RBFOX1: variants seen among roughly 807,000 people sequenced by gnomAD.
The protein encoded by RBFOX1 is RNA binding fox-1 homolog 1.
Under a neutral mutation model 57.7 loss-of-function variants are expected in RBFOX1, and 8 were observed. The observed-to-expected ratio is 0.14, with a 90% confidence interval of 0.08 to 0.25. The LOEUF is 0.25. Among genes scored for constraint, RBFOX1 ranks in the 10% least tolerant of loss-of-function variants. The pLI is 1.00. For synonymous variants in RBFOX1, 326 were observed against 222.4 expected (o/e 1.47, Z -4.15); for missense variants, 611 against 548.5 (o/e 1.11, Z -1.14).
At chr16:6,051,842 G>A (rs912949061) in intron 1 of RBFOX1, among the ~76,000 whole-genome samples, 3 of 152,136 alleles carry the variant, frequency 2.0e-5, no homozygotes, top group Non-Finnish European at 4.4e-5. Context: ...GGGATTACAG[G>A]CATGAGCCAC....
chr16:5,666,770 A>T (rs2049858557), intron 3 of RBFOX1, among the ~76,000 whole-genome samples: 1 of 152,202 alleles, frequency 6.6e-6, no homozygotes, highest in African/African-American at 2.4e-5. Flanking sequence ...AGGAGTCAGC[A>T]TGAAGTTGTT....
At chr16:6,375,685 C>A (rs922644549) in intron 2 of RBFOX1, among the ~76,000 whole-genome samples, 1 of 152,114 alleles carries the variant, frequency 6.6e-6, no homozygotes, top group African/African-American at 2.4e-5. Context: ...AACCCGGAGG[C>A]GCATCTCACA....
At chr16:5,818,256 C>T (rs2151797608) in intron 3 of RBFOX1, among the ~76,000 whole-genome samples, 1 of 152,284 alleles carries the variant, frequency 6.6e-6, no homozygotes, top group East Asian at 1.9e-4. Context: ...ATCAGTTTTG[C>T]ATATGAGGCA....
chr16:7,200,840 G>A (rs1003614725), intron 4 of RBFOX1, among the ~76,000 whole-genome samples: 2 of 152,098 alleles, frequency 1.3e-5, no homozygotes, highest in South Asian at 2.1e-4. Flanking sequence ...TGCTTTCTCC[G>A]CGCTGTTGTA....
intron 4 of RBFOX1, among the ~76,000 whole-genome samples, chr16:7,287,816 G>C (rs62014003): frequency 0.4 from 60,173 of 151,910 alleles, 14,989 homozygotes; most frequent in East Asian, 0.79. Context: ...ACATATATGG[G>C]GTATTACCCA....
At chr16:5,550,096 C>T (rs75882751) in intron 2 of RBFOX1, among the ~76,000 whole-genome samples, 7,282 of 152,202 alleles carry the variant, frequency 0.048, 190 homozygotes, top group East Asian at 0.1. Context: ...CAGATTGTTC[C>T]CTAATATATC....
chr16:6,995,338 T>A (rs75900094), intron 3 of RBFOX1, among the ~76,000 whole-genome samples: 4,276 of 135,406 alleles, frequency 0.032, 204 homozygotes, highest in African/African-American at 0.11. Flanking sequence ...GTGTTAGAAG[T>A]GGTGATCCTG....
intron 4 of RBFOX1, among the ~76,000 whole-genome samples, chr16:5,944,657 A>G (rs1459647395): frequency 6.6e-6 from 1 of 151,632 alleles, no homozygotes; most frequent in African/African-American, 2.4e-5. Context: ...AAGTCCCTTA[A>G]GAGAAAGCTA....
chr16:6,501,131 C>CTTTTT (rs1003003339), intron 2 of RBFOX1, among the ~76,000 whole-genome samples: 1,662 of 107,576 alleles, frequency 0.015, 30 homozygotes, highest in Non-Finnish European at 0.025. Flanking sequence ...GTTAAACATT[C>CTTTTT]TTTTTTTTTT....
At position 6,146,776 on chromosome 16, in the gene RBFOX1, C is replaced by G. The variant is rs183074180; in HGVS notation, c.-127+126784C>G. Among the ~76,000 whole-genome samples the G allele has an allele frequency of 2.4e-3, 370 of 152,224 alleles. 2 individuals carry two copies. The highest frequency in any genetic ancestry group is 8.4e-3 in the African/African-American group (349 of 41,524). On this transcript the variant is annotated intron_variant, in intron 1 of 15. Transcript: ENST00000550418. ...ACTGAACCTTCCGGAGTGTCCCTGTCTTAATAAAGAAGTGAGCATCGTCTA... is the reference window on the plus strand; with the variant it reads ...ACTGAACCTTCCGGAGTGTCCCTGTGTTAATAAAGAAGTGAGCATCGTCTA...
chr16:6,663,276 A>G (rs368768739), intron 3 of RBFOX1, among the ~76,000 whole-genome samples: 7 of 152,230 alleles, frequency 4.6e-5, no homozygotes, highest in African/African-American at 1.7e-4. Context: ...CAGACGGCTC[A>G]GCTTAAGTAT....
At chr16:7,408,320 A>G (rs1849600891) in intron 4 of RBFOX1, among the ~76,000 whole-genome samples, 1 of 152,204 alleles carries the variant, frequency 6.6e-6, no homozygotes, top group Non-Finnish European at 1.5e-5. Context: ...AATACAGCAG[A>G]AGAACTTTTA....
chr16:6,608,230 T>G (rs2097975457), intron 2 of RBFOX1, among the ~76,000 whole-genome samples: 1 of 152,200 alleles, frequency 6.6e-6, no homozygotes, highest in Non-Finnish European at 1.5e-5. Flanking sequence ...TAAGGCAGCA[T>G]TGGTTTGTGT....
chr16:6,031,353 A>G (rs980222704), intron 1 of RBFOX1, among the ~76,000 whole-genome samples: 11 of 152,210 alleles, frequency 7.2e-5, no homozygotes, highest in Non-Finnish European at 1.2e-4. Flanking sequence ...GTGGCTGGCA[A>G]AGCCTGCAGA....
At chr16:5,674,726 A>T (rs986509184) in intron 3 of RBFOX1, among the ~76,000 whole-genome samples, 1 of 152,180 alleles carries the variant, frequency 6.6e-6, no homozygotes, top group African/African-American at 2.4e-5. Context: ...TTCAAGTTCT[A>T]TTTGGTGATT....
intron 3 of RBFOX1, among the ~76,000 whole-genome samples, chr16:5,725,541 G>A (rs957648164): frequency 6.6e-6 from 1 of 151,760 alleles, no homozygotes; most frequent in African/African-American, 2.4e-5. Context: ...GGGACTACTG[G>A]TGTGAGCCAC....
intron 2 of RBFOX1, among the ~76,000 whole-genome samples, chr16:5,539,418 C>T (rs983276004): frequency 6.6e-6 from 1 of 151,886 alleles, no homozygotes; most frequent in African/African-American, 2.4e-5. Flanking sequence ...CATGACAAAA[C>T]CCTGTCTCTA....
chr16:6,662,335 T>C (rs1399379773), intron 3 of RBFOX1, among the ~76,000 whole-genome samples: 1 of 152,234 alleles, frequency 6.6e-6, no homozygotes, highest in Non-Finnish European at 1.5e-5. Context: ...AGCTTGGTAG[T>C]AGTAATCATT....
intron 3 of RBFOX1, among the ~76,000 whole-genome samples, chr16:6,974,384 G>A (rs576897937): frequency 5.9e-4 from 54 of 90,924 alleles, no homozygotes; most frequent in Non-Finnish European, 9.2e-4. Context: ...TTGCTTTGTT[G>A]CCCAGGCTGG....
Sources: gnomAD v4.1 joint callset for allele counts (sites outside exome capture counted in the v4.1 genomes callset) on GRCh38, gnomAD v4.1.1 for gene constraint, MANE v1.5 for transcripts, NCBI Gene and HGNC (gene_info 2026-07-23, HGNC 2026-07-21) for gene names.